The following RAPGEF4 variants were observed in gnomAD, a reference collection of about 807,000 sequenced individuals.
RAPGEF4 encodes Rap guanine nucleotide exchange factor 4.
A neutral mutation model predicts 147.9 loss-of-function variants in RAPGEF4; 66 were observed. The observed-to-expected ratio is 0.45, with a 90% confidence interval of 0.37 to 0.55. RAPGEF4 has a LOEUF of 0.55. RAPGEF4 is among the 20% of genes least tolerant of loss of function. RAPGEF4 has a pLI of 0.00. For synonymous variants in RAPGEF4, 419 were observed against 442.7 expected, an observed-to-expected ratio of 0.95 and a Z score of 0.67; for missense variants, 1,071 against 1,257.3, an observed-to-expected ratio of 0.85 and a Z score of 2.24.
intron 4 of RAPGEF4, among the ~76,000 whole-genome samples, chr2:172,898,071 C>T (rs893540211): frequency 2.0e-5 from 3 of 152,032 alleles, no homozygotes; most frequent in Non-Finnish European, 4.4e-5. Flanking sequence ...GTGGCAATAG[C>T]AGGAGAGCCA....
chr2:173,022,045 G>GA (rs113836943), intron 23 of RAPGEF4, among the ~76,000 whole-genome samples: 2,638 of 152,022 alleles, frequency 0.017, 64 homozygotes, highest in African/African-American at 0.058. Flanking sequence ...GAAGGATTGG[G>GA]GAAAAAAATG....
chr2:172,975,538 C>T (rs951772429), intron 10 of RAPGEF4, among the ~76,000 whole-genome samples: 1 of 152,190 alleles, frequency 6.6e-6, no homozygotes, highest in African/African-American at 2.4e-5. Context: ...AATTTTATTT[C>T]TTCTTTTTTT....
chr2:172,896,928 G>C (rs1335428336), intron 4 of RAPGEF4, among the ~76,000 whole-genome samples: 1 of 152,186 alleles, frequency 6.6e-6, no homozygotes, highest in South Asian at 2.1e-4. Context: ...ACACATGCCA[G>C]TTCTCTTGGC....
chr2:172,796,049 G>C (rs897038862), intron 2 of RAPGEF4, among the ~76,000 whole-genome samples: 7 of 152,156 alleles, frequency 4.6e-5, no homozygotes, highest in African/African-American at 1.7e-4. Flanking sequence ...ACATGCCTAA[G>C]TCTAAACCAA....
chr2:172,955,872 G>C (rs866985483), intron 6 of RAPGEF4, among the ~76,000 whole-genome samples: 1 of 152,202 alleles, frequency 6.6e-6, no homozygotes, highest in Admixed American at 6.5e-5. Flanking sequence ...TGGCCACTGC[G>C]ACATCTTCTG....
intron 10 of RAPGEF4, among the ~76,000 whole-genome samples, chr2:172,980,906 C>G (rs1691611642): frequency 6.6e-6 from 1 of 152,076 alleles, no homozygotes; most frequent in African/African-American, 2.4e-5. Flanking sequence ...CCTCGGTCCC[C>G]CAAAGTGCTG....
At chr2:172,848,786 AC>A (rs1397365154) in intron 4 of RAPGEF4, among the ~76,000 whole-genome samples, 1 of 152,206 alleles carries the variant, frequency 6.6e-6, no homozygotes, top group African/African-American at 2.4e-5. Context: ...GCCTCTCAGC[AC>A]CCACTTCAGC....
In RAPGEF4 at chr2:173,027,737, A is replaced by T. The variant is rs1035653431; in HGVS notation, c.2558+478A>T. Among the ~76,000 whole-genome samples the T allele has an allele frequency of 1.5e-4, 23 of 152,236 alleles. 1 individual carries two copies. The highest frequency in any genetic ancestry group is 2.9e-5 in the Non-Finnish European group (2 of 68,040). ...GCTAACCTGGTACATGAAAATCATC[A>T]CTACAAACATCAGAAAAAGAAGCAT... On this transcript the variant is annotated intron_variant, in intron 25 of 30. Transcript: ENST00000397081.
intron 4 of RAPGEF4, among the ~76,000 whole-genome samples, chr2:172,867,117 G>A (rs149860861): frequency 0.021 from 3,213 of 151,674 alleles, 33 homozygotes; most frequent in South Asian, 0.052. Context: ...GATTGCAGGC[G>A]CCCACCACCA....
At chr2:172,933,834 A>G (rs886845643) in intron 6 of RAPGEF4, among the ~76,000 whole-genome samples, 2 of 152,254 alleles carry the variant, frequency 1.3e-5, no homozygotes, top group Non-Finnish European at 2.9e-5. Flanking sequence ...CTAACAAAGC[A>G]TTATTTAATA....
chr2:172,822,425 T>C (rs918437838), intron 4 of RAPGEF4, among the ~76,000 whole-genome samples: 1 of 152,230 alleles, frequency 6.6e-6, no homozygotes, highest in Non-Finnish European at 1.5e-5. Context: ...ATTTTGCCTG[T>C]AGCTCTCAGA....
chr2:172,760,181 A>G (rs1333415199), intron 1 of RAPGEF4, among the ~76,000 whole-genome samples: 1 of 152,026 alleles, frequency 6.6e-6, no homozygotes, highest in Non-Finnish European at 1.5e-5. Flanking sequence ...CTCCACCCCC[A>G]TCAGCAAAGA....
intron 4 of RAPGEF4, among the ~76,000 whole-genome samples, chr2:172,907,079 G>C (rs1406309709): frequency 2.0e-5 from 3 of 152,130 alleles, no homozygotes; most frequent in African/African-American, 7.2e-5. Context: ...TCCCCAGTCT[G>C]GTGGTTGCTC....
chr2:172,916,948 C>T (rs1684138360), intron 4 of RAPGEF4, among the ~76,000 whole-genome samples: 1 of 152,134 alleles, frequency 6.6e-6, no homozygotes, highest in Admixed American at 6.5e-5. Flanking sequence ...TACATGACAC[C>T]ATGCAATAAA....
intron 5 of RAPGEF4, among the ~76,000 whole-genome samples, chr2:172,922,073 G>T (rs1311201479): frequency 6.6e-6 from 1 of 152,204 alleles, no homozygotes; most frequent in Non-Finnish European, 1.5e-5. Context: ...TGGTGTCTGG[G>T]CACATGGCCC....
chr2:172,928,009 C>G lies in RAPGEF4; in HGVS notation c.537+5709C>G, dbSNP rs573004771. 6.8e-5 allele frequency: 15 copies of G among 220,896 alleles called. No homozygotes were observed. In the East Asian group the frequency reaches 1.2e-3, roughly 18 times the overall value. 13.7% of individuals were successfully genotyped at this position (220,896 alleles called of 1,614,324 possible). A position where few individuals can be genotyped will look rare whatever the true frequency, so the allele number is the denominator to read the frequency against. On this transcript the variant is annotated intron_variant, in intron 6 of 30. Coordinates refer to ENST00000397081, the MANE Select transcript of RAPGEF4 (RefSeq NM_007023.4). The stretch of plus-strand genomic sequence containing the variant: ...ATTTTGAAGGACACATTGCTTATCA[C>G]CCAAATGAAGATTAGATTAGCAGTG...
chr2:172,996,579 G>A lies in RAPGEF4; in HGVS notation c.1579+25G>A, dbSNP rs1693386772. On this transcript the variant is annotated intron_variant, in intron 16 of 30. Coordinates refer to ENST00000397081, the MANE Select transcript of RAPGEF4 (RefSeq NM_007023.4). ...GGTATACACATAGAACCGTTTGCATGTCCATTAAATCCATGCATAGCATTG... is the reference window on the plus strand; with the variant it reads ...GGTATACACATAGAACCGTTTGCATATCCATTAAATCCATGCATAGCATTG... 3 of 1,448,726 alleles carry A rather than the reference G, an allele frequency of 2.1e-6. No individual in the cohort carries two copies. In the South Asian group the frequency reaches 3.8e-5, roughly 18 times the overall value. The allele number at this position is 1,448,726 out of a possible 1,614,324, so 89.7% of individuals were successfully genotyped here. A position where few individuals can be genotyped will look rare whatever the true frequency, so the allele number is the denominator to read the frequency against.
chr2:172,889,715 A>T, intron 4 of RAPGEF4: 1 of 416,188 alleles, frequency 2.4e-6, no homozygotes, highest in Non-Finnish European at 3.2e-6. Flanking sequence ...TACCCACTGC[A>T]TCACTAATCT....
chr2:173,011,636 A>C (rs1214398380), intron 17 of RAPGEF4, among the ~76,000 whole-genome samples: 2 of 152,060 alleles, frequency 1.3e-5, no homozygotes, highest in African/African-American at 4.8e-5. Flanking sequence ...AATATTTCAG[A>C]TGAATAGGAC....
Sources: allele counts gnomAD v4.1 joint callset (sites outside exome capture counted in the v4.1 genomes callset), GRCh38; gene constraint gnomAD v4.1.1; transcripts MANE v1.5; gene names NCBI Gene and HGNC (gene_info 2026-07-23, HGNC 2026-07-21).